COBL: variants seen among roughly 807,000 people sequenced by gnomAD.
COBL encodes protein cordon-bleu.
In COBL, 51 loss-of-function variants were observed where a neutral mutation model predicts 98.8. That is an observed-to-expected ratio of 0.52 (90% CI 0.41 to 0.65). The LOEUF is 0.65. Ranked by LOEUF, COBL falls within the 30% of genes least tolerant of loss-of-function variation. The probability of loss-of-function intolerance (pLI) is 0.00; values close to 1 mark genes in which losing one functional copy is unlikely to be tolerated. For synonymous variants in COBL, 634 were observed against 651.7 expected (o/e 0.97, Z 0.41); for missense variants, 1,617 against 1,617.5 (o/e 1.00, Z 0.01).
At position 51,219,720 on chromosome 7, in the gene COBL, T is replaced by A. The variant is rs535305667; in HGVS notation, c.245+21A>T. 3 of 1,610,568 alleles carry A rather than the reference T, an allele frequency of 1.9e-6. No individual in the cohort carries two copies. In the South Asian group the frequency reaches 3.3e-5, roughly 18 times the overall value. ...CTCGCAAAGTGAGTACAGCGACTCC[T>A]CCTGCAGCACCGGCTCTCACCTCCC... On this transcript the variant is annotated intron_variant, in intron 2 of 12. Transcript: ENST00000265136.
intron 5 of COBL, among the ~76,000 whole-genome samples, chr7:51,157,124 G>A (rs1197675314): frequency 1.3e-5 from 2 of 152,128 alleles, no homozygotes; most frequent in South Asian, 2.1e-4. Flanking sequence ...TAATCCTAGC[G>A]CTTTGAAAGG....
At chr7:51,197,560 C>T (rs1460433414) in intron 2 of COBL, among the ~76,000 whole-genome samples, 1 of 152,088 alleles carries the variant, frequency 6.6e-6, no homozygotes, top group Non-Finnish European at 1.5e-5. Flanking sequence ...AGTTCAGGTC[C>T]TGAATATCTT....
intron 1 of COBL, among the ~76,000 whole-genome samples, chr7:51,249,932 T>C (rs113786152): frequency 0.05 from 7,645 of 152,060 alleles, 637 homozygotes; most frequent in African/African-American, 0.17. Context: ...GGAAACCCTG[T>C]CTCTACTAAA....
At chr7:51,305,320 G>C (rs909566636) in intron 1 of COBL, among the ~76,000 whole-genome samples, 1 of 152,188 alleles carries the variant, frequency 6.6e-6, no homozygotes, top group Non-Finnish European at 1.5e-5. Flanking sequence ...TCTGCAGCCA[G>C]TCTTATCCCT....
chr7:51,136,421 G>A (rs6949618), intron 5 of COBL, 90 bp from the exon 6 acceptor site: 22,813 of 1,343,416 alleles, frequency 0.017, 1,398 homozygotes, highest in African/African-American at 0.17. Context: ...GTTCCAATCC[G>A]TCCACCTGAG....
In COBL at chr7:51,095,862, T is replaced by C. The variant is rs548348797; in HGVS notation, c.958-10558A>G. On this transcript the variant is annotated intron_variant, in intron 6 of 12. Coordinates refer to ENST00000265136, the MANE Select transcript of COBL (RefSeq NM_015198.5). The stretch of plus-strand genomic sequence containing the variant: ...TAAAAACTATAAATACATGCGCATC[T>C]ACCAGCAGTGTATTCAAATACATAA... Among the ~76,000 whole-genome samples the C allele has an allele frequency of 3.9e-5, 6 of 152,286 alleles. 1 individual carries two copies. The East Asian group carries it at 9.7e-4, about 25-fold the overall frequency.
At chr7:51,294,180 A>G (rs368950566) in intron 1 of COBL, among the ~76,000 whole-genome samples, 1 of 151,646 alleles carries the variant, frequency 6.6e-6, no homozygotes, top group South Asian at 2.1e-4. Flanking sequence ...AGTCCCAGCT[A>G]CTCAGGAGGC....
At chr7:51,258,218 T>C (rs1321530209) in intron 1 of COBL, among the ~76,000 whole-genome samples, 1 of 152,246 alleles carries the variant, frequency 6.6e-6, no homozygotes, top group Non-Finnish European at 1.5e-5. Flanking sequence ...TATACTTTTT[T>C]TTTTGAAGAG....
At chr7:51,183,959 C>T (rs1050196070) in intron 5 of COBL, 143 bp downstream of exon 5, 4 of 458,560 alleles carry the variant, frequency 8.7e-6, no homozygotes, top group Non-Finnish European at 1.6e-5. Flanking sequence ...CCAGTGCATA[C>T]TAATAAGCTC....
intron 12 of COBL, chr7:51,021,028 T>C (rs1469387706): frequency 6.6e-6 from 1 of 152,220 alleles, no homozygotes; most frequent in Non-Finnish European, 1.5e-5. Context: ...CTTCCCAGCA[T>C]AGCTGGGCAC....
At chr7:51,209,512 C>T (rs191329276) in intron 2 of COBL, among the ~76,000 whole-genome samples, 1 of 152,300 alleles carries the variant, frequency 6.6e-6, no homozygotes, top group Admixed American at 6.5e-5. Flanking sequence ...AAACCTTCAA[C>T]TCAATGAAGA....
intron 5 of COBL, among the ~76,000 whole-genome samples, chr7:51,145,127 G>T (rs1562962221): frequency 6.6e-6 from 1 of 151,958 alleles, no homozygotes; most frequent in East Asian, 2.0e-4. Context: ...CGATTCTCCT[G>T]CCTCAGCCTC....
intron 6 of COBL, among the ~76,000 whole-genome samples, chr7:51,088,266 T>C (rs1005664835): frequency 3.9e-5 from 6 of 152,198 alleles, no homozygotes; most frequent in African/African-American, 1.4e-4. Context: ...GGGATTTCAA[T>C]TAATTCAACA....
intron 1 of COBL, among the ~76,000 whole-genome samples, chr7:51,241,616 C>T (rs925729025): frequency 3.5e-4 from 53 of 152,170 alleles, no homozygotes; most frequent in Admixed American, 1.3e-4. Context: ...ATTGGAAGAG[C>T]AGTTTGATGA....
chr7:51,173,967 G>A (rs1025590799), intron 5 of COBL, among the ~76,000 whole-genome samples: 1 of 151,548 alleles, frequency 6.6e-6, no homozygotes, highest in Non-Finnish European at 1.5e-5. Context: ...TTCCTTTAAG[G>A]TGATGTAGTA....
chr7:51,093,012 C>A (rs1170884069), intron 6 of COBL, among the ~76,000 whole-genome samples: 2 of 152,060 alleles, frequency 1.3e-5, no homozygotes, highest in African/African-American at 4.8e-5. Context: ...TTAACACATA[C>A]AAAAATTCAT....
At chr7:51,025,073 G>A in intron 12 of COBL, 36 bp downstream of exon 12, 2 of 1,611,694 alleles carry the variant, frequency 1.2e-6, no homozygotes, top group Non-Finnish European at 1.7e-6. Context: ...CCAACCCTCT[G>A]GCCCCATTGA....
At chr7:51,309,343 C>G (rs1258677865) in intron 1 of COBL, among the ~76,000 whole-genome samples, 1 of 152,166 alleles carries the variant, frequency 6.6e-6, no homozygotes, top group Non-Finnish European at 1.5e-5. Flanking sequence ...AAATAAAAAT[C>G]AGCAGGTCTC....
chr7:51,210,314 A>T (rs1018009575), intron 2 of COBL, among the ~76,000 whole-genome samples: 2 of 152,190 alleles, frequency 1.3e-5, no homozygotes, highest in African/African-American at 4.8e-5. Flanking sequence ...AAACCCTATA[A>T]GGACATGATA....
Sources: allele counts gnomAD v4.1 joint callset (sites outside exome capture counted in the v4.1 genomes callset), GRCh38; gene constraint gnomAD v4.1.1; transcripts MANE v1.5; gene names NCBI Gene and HGNC (gene_info 2026-07-23, HGNC 2026-07-21).